NTM: variants seen among roughly 807,000 people sequenced by gnomAD.
NTM encodes the protein neurotrimin.
In NTM, 13 loss-of-function variants were observed where a neutral mutation model predicts 42.1. The observed-to-expected ratio is 0.31, with a 90% confidence interval of 0.20 to 0.49. The LOEUF is 0.49. Ranked by LOEUF, NTM falls within the 20% of genes least tolerant of loss-of-function variation. The pLI, the probability that NTM is intolerant of heterozygous loss-of-function variation, is 0.99. For synonymous variants in NTM, 187 were observed against 179.2 expected, an observed-to-expected ratio of 1.04 and a Z score of -0.35; for missense variants, 373 against 452.8, an observed-to-expected ratio of 0.82 and a Z score of 1.60.
intron 1 of NTM, among the ~76,000 whole-genome samples, chr11:131,694,402 C>T (rs2075174235): frequency 6.6e-6 from 1 of 152,134 alleles, no homozygotes; most frequent in South Asian, 2.1e-4. Flanking sequence ...AAAATGCAAA[C>T]AAAATGCCAT....
intron 2 of NTM, among the ~76,000 whole-genome samples, chr11:132,126,997 C>G (rs1193128630): frequency 1.3e-5 from 2 of 152,134 alleles, no homozygotes; most frequent in African/African-American, 4.8e-5. Context: ...AGTCTTTTTT[C>G]TTGAGAGTTC....
At chr11:132,193,176 C>T (rs1020760357) in intron 3 of NTM, among the ~76,000 whole-genome samples, 5 of 152,092 alleles carry the variant, frequency 3.3e-5, no homozygotes, top group African/African-American at 1.2e-4. Context: ...GAACACTCCA[C>T]AACAACAGAA....
intron 3 of NTM, among the ~76,000 whole-genome samples, chr11:132,175,299 C>T (rs970430116): frequency 2.0e-5 from 3 of 152,234 alleles, no homozygotes; most frequent in East Asian, 1.9e-4. Flanking sequence ...CTCTCTGTCA[C>T]CTCATGGTCC....
At chr11:131,609,074 G>A (rs907771311) in intron 1 of NTM, among the ~76,000 whole-genome samples, 14 of 152,216 alleles carry the variant, frequency 9.2e-5, no homozygotes, top group African/African-American at 3.4e-4. Context: ...GGGGGTGCAT[G>A]GGTCAGGATG....
chr11:132,335,728 A>AC lies in NTM; in HGVS notation c.*583dup. The AC allele has an allele frequency of 6.8e-6, 1 of 148,036 alleles. No homozygotes were observed. Among genetic ancestry groups the AC allele is most frequent in the South Asian group, 2.3e-4 (1 of 4,356 alleles). The allele number at this position is 148,036 out of a possible 1,614,324, so 9.2% of individuals were successfully genotyped here. Reference sequence around the variant, plus strand: ...AACAAGTCACAAAAGATACCGTTAAACTTTTTTTTTTTTTTATCATTTTAC... The same window carrying AC: ...AACAAGTCACAAAAGATACCGTTAAACCTTTTTTTTTTTTTTATCATTTTAC... On this transcript the variant is annotated 3_prime_UTR_variant, in exon 9 of 9. Transcript: ENST00000683400.
chr11:132,333,052 G>C (rs909141594), intron 8 of NTM, among the ~76,000 whole-genome samples: 6 of 152,174 alleles, frequency 3.9e-5, no homozygotes, highest in African/African-American at 1.4e-4. Context: ...AGGCAGAGCA[G>C]TGTGCTGACA....
At chr11:132,319,737 A>C (rs562699715) in intron 7 of NTM, among the ~76,000 whole-genome samples, 1 of 152,386 alleles carries the variant, frequency 6.6e-6, no homozygotes, top group South Asian at 2.1e-4. Context: ...CTGCAGACTT[A>C]AATGTCCCTC....
chr11:131,599,113 C>T (rs1281354279), intron 1 of NTM, among the ~76,000 whole-genome samples: 1 of 151,994 alleles, frequency 6.6e-6, no homozygotes, highest in Non-Finnish European at 1.5e-5. Flanking sequence ...TGGGGTTTCA[C>T]CTTGTTGGCC....
intron 2 of NTM, among the ~76,000 whole-genome samples, chr11:131,986,978 C>G (rs1163770580): frequency 2.0e-5 from 3 of 152,020 alleles, no homozygotes; most frequent in African/African-American, 7.3e-5. Context: ...TCAGTGTTAA[C>G]CAAGAGATGA....
At chr11:131,732,885 A>G (rs1009019857) in intron 1 of NTM, among the ~76,000 whole-genome samples, 9 of 152,016 alleles carry the variant, frequency 5.9e-5, no homozygotes, top group South Asian at 2.1e-4. Flanking sequence ...CAGTATTTTT[A>G]TTGATTTTGT....
At chr11:132,231,665 C>T (rs1017337607) in intron 4 of NTM, among the ~76,000 whole-genome samples, 1 of 152,136 alleles carries the variant, frequency 6.6e-6, no homozygotes, top group East Asian at 1.9e-4. Flanking sequence ...ATATGTTTTT[C>T]GTCATTGCTG....
intron 4 of NTM, among the ~76,000 whole-genome samples, chr11:132,304,093 C>T (rs573942294): frequency 6.6e-6 from 1 of 152,202 alleles, no homozygotes; most frequent in South Asian, 2.1e-4. Context: ...GCAAAATAAA[C>T]TTGGGTGAAT....
chr11:131,552,740 C>A (rs2054868781), intron 1 of NTM, among the ~76,000 whole-genome samples: 1 of 150,316 alleles, frequency 6.7e-6, no homozygotes. Flanking sequence ...ATGGTGTGAA[C>A]CCGGGAGGCG....
chr11:132,006,860 C>T (rs1026186157), intron 2 of NTM, among the ~76,000 whole-genome samples: 6 of 152,222 alleles, frequency 3.9e-5, no homozygotes, highest in Non-Finnish European at 8.8e-5. Context: ...GGTGCCACTT[C>T]CTGAGCACTT....
At chr11:131,468,561 G>A (rs1952117266) in intron 1 of NTM, among the ~76,000 whole-genome samples, 1 of 151,928 alleles carries the variant, frequency 6.6e-6, no homozygotes, top group Non-Finnish European at 1.5e-5. Context: ...TTTTTCTATA[G>A]ATTTTATTTT....
intron 1 of NTM, among the ~76,000 whole-genome samples, chr11:131,637,454 T>C (rs931254227): frequency 3.3e-5 from 5 of 151,654 alleles, no homozygotes; most frequent in African/African-American, 1.2e-4. Flanking sequence ...CCTGTATTCG[T>C]AGGTCTTTTC....
intron 1 of NTM, among the ~76,000 whole-genome samples, chr11:131,533,502 C>A (rs1317732068): frequency 6.6e-6 from 1 of 152,146 alleles, no homozygotes; most frequent in Non-Finnish European, 1.5e-5. Flanking sequence ...TCTGCCCAGC[C>A]CTGACTCAAT....
intron 1 of NTM, among the ~76,000 whole-genome samples, chr11:131,598,689 TTCTTTCTTTCTTTC>T (rs879654690): frequency 2.4e-5 from 1 of 41,296 alleles, no homozygotes; most frequent in African/African-American, 7.3e-5. Context: ...TTTGTTTTCT[TTCTTTCTTTCTTTC>T]TTTCTTTCTT....
At chr11:132,117,658 T>C (rs2064098706) in intron 2 of NTM, among the ~76,000 whole-genome samples, 1 of 152,240 alleles carries the variant, frequency 6.6e-6, no homozygotes, top group African/African-American at 2.4e-5. Context: ...CTTCCTGTTG[T>C]CCACACAGGA....
Sources: gnomAD v4.1 joint callset for allele counts (sites outside exome capture counted in the v4.1 genomes callset) on GRCh38, gnomAD v4.1.1 for gene constraint, MANE v1.5 for transcripts, NCBI Gene and HGNC (gene_info 2026-07-23, HGNC 2026-07-21) for gene names.